Variants in PTPRT observed in about 807,000 individuals in gnomAD.
PTPRT encodes protein tyrosine phosphatase receptor type T, also known as receptor-type tyrosine-protein phosphatase T.
In PTPRT, 56 loss-of-function variants were observed where a neutral mutation model predicts 176.8. That is an observed-to-expected ratio of 0.32 (90% CI 0.26 to 0.40). PTPRT has a LOEUF of 0.40. PTPRT is among the 10% of genes least tolerant of loss of function. The pLI is 1.00. For synonymous variants in PTPRT, 783 were observed against 739.0 expected, an observed-to-expected ratio of 1.06 and a Z score of -0.96; for missense variants, 1,540 against 1,908.2, an observed-to-expected ratio of 0.81 and a Z score of 3.60.
intron 1 of PTPRT, among the ~76,000 whole-genome samples, chr20:42,911,773 G>C (rs572517180): frequency 6.6e-6 from 1 of 152,112 alleles, no homozygotes; most frequent in East Asian, 1.9e-4. Flanking sequence ...TGGCTTTTGA[G>C]ACTTTTTTTC....
At chr20:42,888,536 C>T (rs976109006) in intron 1 of PTPRT, among the ~76,000 whole-genome samples, 1 of 152,160 alleles carries the variant, frequency 6.6e-6, no homozygotes, top group Non-Finnish European at 1.5e-5. Flanking sequence ...CCTGCTCAGG[C>T]AACATGGAAG....
chr20:42,869,582 T>TAC (rs142578940), intron 2 of PTPRT, among the ~76,000 whole-genome samples: 2,053 of 152,346 alleles, frequency 0.013, 58 homozygotes, highest in African/African-American at 0.047. Context: ...TTTGGAAGTA[T>TAC]ACAATTTGAT....
intron 7 of PTPRT, among the ~76,000 whole-genome samples, chr20:42,638,580 C>G (rs913814705): frequency 6.6e-6 from 1 of 152,122 alleles, no homozygotes. Flanking sequence ...TGAATCCTGA[C>G]TATGCTGTGC....
intron 16 of PTPRT, among the ~76,000 whole-genome samples, chr20:42,180,681 A>G (rs1990480243): frequency 6.6e-6 from 1 of 152,194 alleles, no homozygotes; most frequent in Admixed American, 6.5e-5. Context: ...GAGTGGCAGC[A>G]TGTTCAGAAG....
At chr20:42,691,915 G>T (rs930152593) in intron 6 of PTPRT, among the ~76,000 whole-genome samples, 1 of 152,254 alleles carries the variant, frequency 6.6e-6, no homozygotes, top group East Asian at 1.9e-4. Context: ...GGAAGGAAAA[G>T]GTAAATATAT....
chr20:42,181,157 A>C (rs769949841), intron 16 of PTPRT, among the ~76,000 whole-genome samples: 4 of 152,190 alleles, frequency 2.6e-5, no homozygotes, highest in African/African-American at 4.8e-5. Flanking sequence ...CATAAGAGTA[A>C]ATTGACTTTT....
At chr20:42,741,878 T>G (rs971634823) in intron 6 of PTPRT, among the ~76,000 whole-genome samples, 1 of 152,120 alleles carries the variant, frequency 6.6e-6, no homozygotes, top group African/African-American at 2.4e-5. Flanking sequence ...CCCTGTAGTT[T>G]CCTTCATCTC....
the PTPRT span, among the ~76,000 whole-genome samples, chr20:42,036,048 A>G: frequency 3.3e-5 from 5 of 152,192 alleles, no homozygotes; most frequent in African/African-American, 1.2e-4. Flanking sequence ...GCTGTGGGCA[A>G]TTGGAGCTCA....
intron 7 of PTPRT, among the ~76,000 whole-genome samples, chr20:42,614,696 T>A (rs2074035877): frequency 6.6e-6 from 1 of 152,180 alleles, no homozygotes; most frequent in African/African-American, 2.4e-5. Context: ...ATTATTTCCC[T>A]TTACTTGCTG....
chr20:42,620,281 G>A (rs1363429927), intron 7 of PTPRT, among the ~76,000 whole-genome samples: 2 of 150,006 alleles, frequency 1.3e-5, no homozygotes, highest in Non-Finnish European at 3.0e-5. Flanking sequence ...ACCCACTTGA[G>A]GAGGCAGTCT....
At chr20:42,866,197 C>A (rs1005177193) in intron 2 of PTPRT, among the ~76,000 whole-genome samples, 4 of 152,186 alleles carry the variant, frequency 2.6e-5, no homozygotes, top group African/African-American at 9.7e-5. Context: ...AAACACTGGG[C>A]CAACACTTTC....
chr20:42,609,493 T>C (rs973663884), intron 7 of PTPRT, among the ~76,000 whole-genome samples: 1 of 152,198 alleles, frequency 6.6e-6, no homozygotes, highest in African/African-American at 2.4e-5. Context: ...AGGACACTTG[T>C]TATGGCCAAT....
chr20:42,782,980 T>C (rs1042445092), intron 3 of PTPRT, among the ~76,000 whole-genome samples: 1 of 152,180 alleles, frequency 6.6e-6, no homozygotes, highest in Non-Finnish European at 1.5e-5. Context: ...ATAATGTAAA[T>C]AATAATGTAT....
intron 1 of PTPRT, among the ~76,000 whole-genome samples, chr20:43,061,638 C>A (rs936236179): frequency 1.3e-5 from 2 of 152,220 alleles, no homozygotes; most frequent in Non-Finnish European, 2.9e-5. Context: ...TGAGCACTTA[C>A]TCCATGTCTA....
At chr20:42,942,015 T>A (rs1319146882) in intron 1 of PTPRT, among the ~76,000 whole-genome samples, 1 of 151,052 alleles carries the variant, frequency 6.6e-6, no homozygotes, top group East Asian at 1.9e-4. Flanking sequence ...AAAATGCAAC[T>A]CTTTACAAGG....
intron 1 of PTPRT, among the ~76,000 whole-genome samples, chr20:43,022,625 A>T (rs546614032): frequency 6.6e-6 from 1 of 152,246 alleles, no homozygotes; most frequent in South Asian, 2.1e-4. Flanking sequence ...GGAAGAGGAG[A>T]GTCTCTCCCA....
At chr20:42,100,515 A>C (rs1985830582) in intron 26 of PTPRT, among the ~76,000 whole-genome samples, 1 of 152,192 alleles carries the variant, frequency 6.6e-6, no homozygotes, top group Non-Finnish European at 1.5e-5. Flanking sequence ...GGACAAAGAG[A>C]ATACAATCAG....
At chr20:43,132,715 G>C (rs936483261) in intron 1 of PTPRT, among the ~76,000 whole-genome samples, 1 of 152,014 alleles carries the variant, frequency 6.6e-6, no homozygotes, top group Non-Finnish European at 1.5e-5. Flanking sequence ...AAATATAACC[G>C]AATAAAATAA....
At chr20:42,917,407 C>G (rs1017929049) in intron 1 of PTPRT, among the ~76,000 whole-genome samples, 1 of 152,130 alleles carries the variant, frequency 6.6e-6, no homozygotes, top group Non-Finnish European at 1.5e-5. Flanking sequence ...ATGCCTCCAG[C>G]TTTGTTCTTT....
Sources: allele counts gnomAD v4.1 joint callset (sites outside exome capture counted in the v4.1 genomes callset), GRCh38; gene constraint gnomAD v4.1.1; transcripts MANE v1.5; gene names NCBI Gene and HGNC (gene_info 2026-07-23, HGNC 2026-07-21).